The following MRPL1 variants were observed in gnomAD, a reference collection of about 807,000 sequenced individuals.
MRPL1 encodes the protein large ribosomal subunit protein uL1m.
A neutral mutation model predicts 38.0 loss-of-function variants in MRPL1; 28 were observed. That is an observed-to-expected ratio of 0.74 (90% CI 0.55 to 1.01). MRPL1 has a LOEUF of 1.01. Among genes scored for constraint, MRPL1 ranks in the 50% least tolerant of loss-of-function variants. The pLI is 0.00. For missense variants in MRPL1, 358 were observed against 389.8 expected (o/e 0.92, Z 0.69); for synonymous variants, 123 against 126.7 (o/e 0.97, Z 0.20).
chr4:77,875,428 G>A (rs1187129585), intron 2 of MRPL1, among the ~76,000 whole-genome samples: 1 of 151,922 alleles, frequency 6.6e-6, no homozygotes, highest in Non-Finnish European at 1.5e-5. Context: ...GGAGGCCAAG[G>A]TGGGTGGACC....
At chr4:77,901,568 A>C (rs1736036501) in intron 6 of MRPL1, among the ~76,000 whole-genome samples, 1 of 152,128 alleles carries the variant, frequency 6.6e-6, no homozygotes, top group South Asian at 2.1e-4. Context: ...TATACCATAA[A>C]AACTATAAGC....
At chr4:77,933,490 T>TA (rs1269039450) in intron 7 of MRPL1, among the ~76,000 whole-genome samples, 1 of 152,018 alleles carries the variant, frequency 6.6e-6, no homozygotes, top group Non-Finnish European at 1.5e-5. Flanking sequence ...GGAAAAGTGA[T>TA]CTCATAAAAC....
intron 7 of MRPL1, among the ~76,000 whole-genome samples, chr4:77,941,253 A>G (rs564193594): frequency 6.6e-6 from 1 of 151,644 alleles, no homozygotes; most frequent in South Asian, 2.1e-4. Flanking sequence ...TAAAAAGAGC[A>G]AAACTCTGCC....
intron 7 of MRPL1, among the ~76,000 whole-genome samples, chr4:77,925,445 G>A (rs1341246196): frequency 6.7e-6 from 1 of 150,308 alleles, no homozygotes; most frequent in Admixed American, 6.6e-5. Context: ...TCCACCTCCC[G>A]GGTTCACACC....
chr4:77,907,277 C>A, intron 6 of MRPL1: 1 of 611,702 alleles, frequency 1.6e-6, no homozygotes, highest in Non-Finnish European at 2.0e-6. Context: ...ATGATAATGA[C>A]TAAATCTTAG....
intron 5 of MRPL1, 147 bp from the exon 6 acceptor site, chr4:77,893,992 G>A (rs1050503891): frequency 2.4e-5 from 14 of 579,746 alleles, no homozygotes; most frequent in Non-Finnish European, 4.0e-5. Flanking sequence ...ATTGACAGGT[G>A]TATTTGTATG....
intron 7 of MRPL1, among the ~76,000 whole-genome samples, chr4:77,929,934 C>T (rs975979122): frequency 2.0e-5 from 3 of 152,112 alleles, no homozygotes; most frequent in African/African-American, 7.2e-5. Flanking sequence ...ACAGCATAAT[C>T]ACAAGACACC....
At chr4:77,915,474 A>T (rs6830993) in intron 7 of MRPL1, among the ~76,000 whole-genome samples, 22,460 of 152,130 alleles carry the variant, frequency 0.15, 1,896 homozygotes, top group South Asian at 0.25. Flanking sequence ...CCCAAGCTGG[A>T]GTACAGTGGC....
chr4:77,945,283 G>C (rs1056129401), intron 7 of MRPL1, among the ~76,000 whole-genome samples: 1 of 151,878 alleles, frequency 6.6e-6, no homozygotes. Context: ...TTCAAAAGCT[G>C]TCTGCCAGGC....
At chr4:77,912,249 A>C (rs1005270967) in intron 7 of MRPL1, among the ~76,000 whole-genome samples, 1 of 152,138 alleles carries the variant, frequency 6.6e-6, no homozygotes, top group Non-Finnish European at 1.5e-5. Flanking sequence ...TAGTTAGCGC[A>C]ATCAGGCAAG....
At chr4:77,885,210 G>A (rs542737667) in intron 3 of MRPL1, 46 bp from the exon 4 acceptor site, 1 of 1,399,754 alleles carries the variant, frequency 7.1e-7, no homozygotes, top group East Asian at 2.3e-5. Context: ...GTGTGAAATA[G>A]AAAAGATTAA....
chr4:77,944,230 G>A (rs1737201831), intron 7 of MRPL1, among the ~76,000 whole-genome samples: 1 of 152,172 alleles, frequency 6.6e-6, no homozygotes, highest in African/African-American at 2.4e-5. Flanking sequence ...GTACTATGAT[G>A]TGAACTGTCT....
intron 2 of MRPL1, among the ~76,000 whole-genome samples, chr4:77,881,390 C>G (rs1735536369): frequency 6.6e-6 from 1 of 151,652 alleles, no homozygotes; most frequent in Non-Finnish European, 1.5e-5. Flanking sequence ...AGCTAGATAC[C>G]TAGGAAGTAT....
At chr4:77,883,545 G>C in intron 3 of MRPL1, 45 bp downstream of exon 3, 1 of 1,476,636 alleles carries the variant, frequency 6.8e-7, no homozygotes, top group Non-Finnish European at 9.1e-7. Context: ...AACAGTGGCT[G>C]TATGAATTGG....
chr4:77,907,911 A>C (rs576228050), intron 6 of MRPL1, among the ~76,000 whole-genome samples: 1 of 140,848 alleles, frequency 7.1e-6, no homozygotes, highest in African/African-American at 2.7e-5. Flanking sequence ...TTTTTTTGAG[A>C]CAGAGTCTTG....
intron 1 of MRPL1, among the ~76,000 whole-genome samples, chr4:77,869,292 G>A (rs1735224463): frequency 6.6e-6 from 1 of 152,172 alleles, no homozygotes; most frequent in Non-Finnish European, 1.5e-5. Context: ...CTGGATCAGG[G>A]AGACTCAGTA....
At chr4:77,951,947 G>T (rs1737421067) in intron 8 of MRPL1, among the ~76,000 whole-genome samples, 1 of 152,168 alleles carries the variant, frequency 6.6e-6, no homozygotes, top group Admixed American at 6.5e-5. Context: ...ATGAATTAAT[G>T]AATACAAACT....
chr4:77,896,277 T>C (rs554444045), intron 6 of MRPL1, among the ~76,000 whole-genome samples: 1 of 152,226 alleles, frequency 6.6e-6, no homozygotes, highest in African/African-American at 2.4e-5. Context: ...AAAATGTTTA[T>C]TAGTGAGCTT....
chr4:77,927,038 T>A (rs1406033403), intron 7 of MRPL1, among the ~76,000 whole-genome samples: 1 of 152,164 alleles, frequency 6.6e-6, no homozygotes, highest in Non-Finnish European at 1.5e-5. Flanking sequence ...TCCCTTTCTC[T>A]CATTACTTTT....
Sources: allele counts gnomAD v4.1 joint callset (sites outside exome capture counted in the v4.1 genomes callset), GRCh38; gene constraint gnomAD v4.1.1; transcripts MANE v1.5; gene names NCBI Gene and HGNC (gene_info 2026-07-23, HGNC 2026-07-21).